The following RNF138 variants were observed in gnomAD, a reference collection of about 807,000 sequenced individuals.
RNF138 encodes E3 ubiquitin-protein ligase RNF138.
In RNF138, 12 loss-of-function variants were observed where a neutral mutation model predicts 31.0. That is an observed-to-expected ratio of 0.39 (90% confidence interval 0.25 to 0.63). The LOEUF (loss-of-function observed/expected upper bound fraction) is 0.63, where lower values mean the gene tolerates loss of function less well. Among genes scored for constraint, RNF138 ranks in the 20% least tolerant of loss-of-function variants. RNF138 has a pLI of 0.52. For synonymous variants in RNF138, 105 were observed against 99.5 expected (o/e 1.06, Z -0.33); for missense variants, 192 against 300.1 (o/e 0.64, Z 2.66).
intron 4 of RNF138, among the ~76,000 whole-genome samples, chr18:32,120,126 A>G (rs2040279857): frequency 6.6e-6 from 1 of 152,006 alleles, no homozygotes; most frequent in South Asian, 2.1e-4. Context: ...CTTGTTCCTG[A>G]TTTTAGTGGG....
chr18:32,092,833 C>T lies in RNF138; in HGVS notation c.57C>T (p.Pro19=), dbSNP rs1402054988. 4.4e-6 allele frequency: 7 copies of T among 1,600,290 alleles called. No individual in the cohort carries two copies. Among genetic ancestry groups the T allele is most frequent in the South Asian group, 1.1e-5 (1 of 88,460 alleles). The stretch of plus-strand genomic sequence containing the variant: ...ACACCGAAGATGATTTCTACTGCCC[C>T]GTCTGTCAGGAGGTGCTCAAAACGC... ...TSYTEDDFYC[P]VCQEVLKTPV... Residue 19 remains proline, a synonymous_variant, in exon 2 of 8, where the codon CCC becomes CCT. Coordinates refer to ENST00000261593, the MANE Select transcript of RNF138 (RefSeq NM_016271.5).
intron 2 of RNF138, among the ~76,000 whole-genome samples, chr18:32,104,777 T>C (rs1055905275): frequency 1.3e-5 from 2 of 152,212 alleles, no homozygotes; most frequent in African/African-American, 4.8e-5. Context: ...ATGACATTTA[T>C]GGTTAGAAAG....
At position 32,110,655 on chromosome 18, in the gene RNF138, G is replaced by C. The variant is rs16962689; in HGVS notation, c.111-1099G>C. ...AAATGTATATGTATTCTAGATCCCAGATATATATGTCTGTAATTTAACTGG... is the reference window on the plus strand; with the variant it reads ...AAATGTATATGTATTCTAGATCCCACATATATATGTCTGTAATTTAACTGG... On this transcript the variant is annotated intron_variant, in intron 2 of 7. Transcript: ENST00000261593. Among the ~76,000 whole-genome samples, 1,102 of 152,244 alleles carry C rather than the reference G, an allele frequency of 7.2e-3. 19 individuals carry two copies. Among genetic ancestry groups the C allele is most frequent in the African/African-American group, 0.025 (1,054 of 41,532 alleles).
Position 32,129,607 on chromosome 18 carries a change from A to ATT in RNF138, c.*421_*422dup, listed in dbSNP as rs1427615164. The stretch of plus-strand genomic sequence containing the variant: ...ATAACCTAACAAATCTGAGCCAGTT[A>ATT]TTATTAGAGTTGCAGAATAGAAACT... On this transcript the variant is annotated 3_prime_UTR_variant, in exon 8 of 8. Transcript: ENST00000261593. 6.5e-6 allele frequency: 1 copy of ATT among 154,276 alleles called. No individual in the cohort carries two copies. The highest frequency in any genetic ancestry group is 2.4e-5 in the African/African-American group (1 of 41,492). 9.6% of individuals were successfully genotyped at this position (154,276 alleles called of 1,614,324 possible).
At chr18:32,126,042 T>G (rs1467132432) in intron 6 of RNF138, among the ~76,000 whole-genome samples, 1 of 152,172 alleles carries the variant, frequency 6.6e-6, no homozygotes, top group Non-Finnish European at 1.5e-5. Context: ...TTACTGAAGG[T>G]TTTTTGTGTG....
intron 4 of RNF138, among the ~76,000 whole-genome samples, chr18:32,115,736 C>G (rs111968861): frequency 0.029 from 4,379 of 152,172 alleles, 219 homozygotes; most frequent in African/African-American, 0.1. Context: ...CAGAGTCAGA[C>G]TCCGTCTAAA....
At chr18:32,114,918 A>G (rs1189265622) in intron 4 of RNF138, among the ~76,000 whole-genome samples, 8 of 151,998 alleles carry the variant, frequency 5.3e-5, no homozygotes, top group African/African-American at 1.9e-4. Flanking sequence ...ATCTGCAGTA[A>G]TTTTCTGATT....
chr18:32,099,623 T>G (rs1264817169), intron 2 of RNF138, among the ~76,000 whole-genome samples: 2 of 152,160 alleles, frequency 1.3e-5, no homozygotes, highest in Non-Finnish European at 1.5e-5. Context: ...CAGGCTGGTC[T>G]CCAACTCCTG....
At chr18:32,107,049 T>C (rs1163384788) in intron 2 of RNF138, among the ~76,000 whole-genome samples, 1 of 151,896 alleles carries the variant, frequency 6.6e-6, no homozygotes, top group Non-Finnish European at 1.5e-5. Flanking sequence ...CTCCTATGGC[T>C]ACTGGGCCAC....
Position 32,092,721 on chromosome 18 carries a change from A to G in RNF138, c.-56A>G, listed in dbSNP as rs1406826189. 7.8e-6 allele frequency: 9 copies of G among 1,151,056 alleles called. No homozygotes were observed. The Admixed American group carries it at 8.2e-5, about 10-fold the overall frequency. The allele number at this position is 1,151,056 out of a possible 1,614,324, so 71.3% of individuals were successfully genotyped here. On this transcript the variant is annotated 5_prime_UTR_variant, in exon 2 of 8. Transcript: ENST00000261593. ...GTAGGGAGTCGGGCCCCGGGCCGCC[A>G]CCGTCACCTCGGCCGCTGCCGCTGT... is the stretch of plus-strand genomic sequence containing the variant.
chr18:32,123,469 G>C (rs1197227771), intron 4 of RNF138, 49 bp from the exon 5 acceptor site: 13 of 1,157,952 alleles, frequency 1.1e-5, no homozygotes, highest in Non-Finnish European at 1.6e-5. Context: ...AACCTTTAGT[G>C]TGTTTTCATT....
chr18:32,118,094 A>AT (rs2040245840), intron 4 of RNF138, among the ~76,000 whole-genome samples: 2 of 152,230 alleles, frequency 1.3e-5, no homozygotes, highest in South Asian at 2.1e-4. Context: ...CTAAAAAAAA[A>AT]TTACCAGCAG....
intron 2 of RNF138, among the ~76,000 whole-genome samples, chr18:32,100,468 CTTTTTTTTT>C (rs754111567): frequency 1.9e-4 from 13 of 69,876 alleles, no homozygotes; most frequent in African/African-American, 6.0e-4. Flanking sequence ...ACCCAACTAA[CTTTTTTTTT>C]TTTTTTTTTT....
intron 2 of RNF138, among the ~76,000 whole-genome samples, chr18:32,105,990 C>G (rs927837540): frequency 2.0e-5 from 3 of 152,170 alleles, no homozygotes; most frequent in Admixed American, 6.6e-5. Flanking sequence ...ATTCATTCTT[C>G]TTAGTTCAGT....
At chr18:32,127,077 G>A (rs1303594884) in intron 7 of RNF138, among the ~76,000 whole-genome samples, 1 of 152,114 alleles carries the variant, frequency 6.6e-6, no homozygotes. Flanking sequence ...TGAAAACTCT[G>A]TCAAGATTTA....
At chr18:32,119,465 C>G (rs746388348) in intron 4 of RNF138, among the ~76,000 whole-genome samples, 52 of 151,994 alleles carry the variant, frequency 3.4e-4, no homozygotes, top group Non-Finnish European at 6.0e-4. Flanking sequence ...AACTCTGTCT[C>G]TCAGGCTGGA....
chr18:32,125,394 G>C (rs1230110888), intron 6 of RNF138, among the ~76,000 whole-genome samples: 1 of 152,134 alleles, frequency 6.6e-6, no homozygotes, highest in Non-Finnish European at 1.5e-5. Context: ...TTGATAATGA[G>C]GGAGATAGAG....
At chr18:32,107,013 C>A (rs1437702699) in intron 2 of RNF138, among the ~76,000 whole-genome samples, 3 of 151,118 alleles carry the variant, frequency 2.0e-5, no homozygotes, top group Non-Finnish European at 4.4e-5. Flanking sequence ...CCTTTTGTTT[C>A]TTTGAAAATA....
Position 32,102,359 on chromosome 18 carries a change from G to A in RNF138, c.111-9395G>A, listed in dbSNP as rs574788727. On this transcript the variant is annotated intron_variant, in intron 2 of 7. Transcript: ENST00000261593. ...TGGGACTACAGGCGCCCGCCGCCAC[G>A]CCCGGCTAATTTTTTGTATTTTTAG... is the stretch of plus-strand genomic sequence containing the variant. Among the ~76,000 whole-genome samples the A allele has an allele frequency of 3.1e-3, 472 of 151,438 alleles. 3 individuals are homozygous for A. The highest frequency in any genetic ancestry group is 4.4e-3 in the Non-Finnish European group (299 of 67,870).
Sources: allele counts gnomAD v4.1 joint callset (sites outside exome capture counted in the v4.1 genomes callset), GRCh38; gene constraint gnomAD v4.1.1; transcripts MANE v1.5; gene names NCBI Gene and HGNC (gene_info 2026-07-23, HGNC 2026-07-21).